Variants in PADI6 observed in about 807,000 individuals in gnomAD.
PADI6 encodes the protein inactive protein-arginine deiminase type-6.
A neutral mutation model predicts 78.2 loss-of-function variants in PADI6; 66 were observed. That is an observed-to-expected ratio of 0.84 (90% CI 0.69 to 1.04). The LOEUF is 1.04. Ranked by LOEUF, PADI6 falls within the 50% of genes least tolerant of loss-of-function variation. PADI6 has a pLI of 0.00. For missense variants in PADI6, 854 were observed against 866.1 expected, an observed-to-expected ratio of 0.99 and a Z score of 0.18; for synonymous variants, 397 against 346.9, an observed-to-expected ratio of 1.14 and a Z score of -1.60.
intron 14 of PADI6, among the ~76,000 whole-genome samples, chr1:17,398,201 C>A (rs1011709310): frequency 2.0e-5 from 3 of 152,180 alleles, no homozygotes; most frequent in Non-Finnish European, 4.4e-5. Context: ...TGCATGGGTA[C>A]CCTGTTTTGC....
chr1:17,389,415 G>A (rs1029933169), intron 8 of PADI6, among the ~76,000 whole-genome samples: 2 of 152,164 alleles, frequency 1.3e-5, no homozygotes, highest in South Asian at 4.1e-4. Flanking sequence ...GTTCCTTTCA[G>A]TCTTGTTATG....
chr1:17,398,648 T>TGGGGGGGGGGGGGG, intron 14 of PADI6, 38 bp from the exon 15 acceptor site: 2 of 193,328 alleles, frequency 1.0e-5, no homozygotes, highest in Middle Eastern at 1.6e-3. Context: ...CTCTCCTTGC[T>TGGGGGGGGGGGGGG]CCCCCGCCCC....
At chr1:17,383,530 C>A (rs142152420) in intron 6 of PADI6, among the ~76,000 whole-genome samples, 2 of 152,198 alleles carry the variant, frequency 1.3e-5, no homozygotes, top group East Asian at 1.9e-4. Flanking sequence ...TGGATCATAG[C>A]GAACTACCGG....
Position 17,388,570 on chromosome 1 carries a change from A to G in PADI6, c.858+11A>G. Reference sequence around the variant, plus strand: ...GAGTCTCAAGACCCGGTATGTCCCCATAATAGATGGGTCCTCAGACTAGGA... The same window carrying G: ...GAGTCTCAAGACCCGGTATGTCCCCGTAATAGATGGGTCCTCAGACTAGGA... On this transcript the variant is annotated intron_variant, in intron 7 of 15. Transcript: ENST00000619609. 1.3e-6 allele frequency: 2 copies of G among 1,598,180 alleles called. No homozygotes were observed. Among genetic ancestry groups the G allele is most frequent in the Non-Finnish European group, 1.7e-6 (2 of 1,167,344 alleles).
chr1:17,396,423 T>TG (rs768582409), intron 13 of PADI6, among the ~76,000 whole-genome samples: 1 of 152,054 alleles, frequency 6.6e-6, no homozygotes, highest in Admixed American at 6.6e-5. Flanking sequence ...AGAAAGGGGC[T>TG]GGGGGTATTA....
chr1:17,382,999 T>C (rs1022690436), intron 6 of PADI6, among the ~76,000 whole-genome samples: 2 of 152,120 alleles, frequency 1.3e-5, no homozygotes, highest in East Asian at 1.9e-4. Flanking sequence ...CCCAGACTGG[T>C]TTCAAACTCC....
chr1:17,373,240 C>A lies in PADI6; in HGVS notation c.294+7C>A. On this transcript the variant is annotated splice_region_variant and intron_variant, in intron 2 of 15. Transcript: ENST00000619609. ...TTCCGTGGATGCGGATAAGGTAAGC[C>A]TCAGGGGAAGAGGTGAGGGGCATCT... 1 of 1,613,080 alleles carries A rather than the reference C, an allele frequency of 6.2e-7. No homozygotes were observed. The highest frequency in any genetic ancestry group is 8.5e-7 in the Non-Finnish European group (1 of 1,179,220).
intron 6 of PADI6, among the ~76,000 whole-genome samples, chr1:17,384,646 G>GGA (rs1367156966): frequency 2.0e-5 from 3 of 151,910 alleles, no homozygotes; most frequent in Non-Finnish European, 4.4e-5. Context: ...GACTGAGGCG[G>GGA]GAGGATCATG....
chr1:17,380,186 A>AT (rs968894310), intron 4 of PADI6, among the ~76,000 whole-genome samples, 199 bp downstream of exon 4: 23 of 151,174 alleles, frequency 1.5e-4, no homozygotes, highest in Non-Finnish European at 2.8e-4. Context: ...TTTGTGGGGT[A>AT]TTTTTTTGTT....
At chr1:17,385,474 T>C (rs891517125) in intron 6 of PADI6, among the ~76,000 whole-genome samples, 2 of 151,628 alleles carry the variant, frequency 1.3e-5, no homozygotes, top group South Asian at 2.1e-4. Flanking sequence ...GGGACTGAGG[T>C]TGGGGACTCG....
intron 4 of PADI6, among the ~76,000 whole-genome samples, chr1:17,380,305 G>A (rs2075060382): frequency 6.6e-6 from 1 of 152,114 alleles, no homozygotes; most frequent in Non-Finnish European, 1.5e-5. Context: ...CACCTCCCAG[G>A]TTCAAGTAAT....
chr1:17,375,205 C>T (rs908216084), intron 2 of PADI6, among the ~76,000 whole-genome samples: 22 of 152,128 alleles, frequency 1.4e-4, no homozygotes, highest in South Asian at 4.1e-4. Flanking sequence ...GCCTGGCTCT[C>T]GACAAGGTTA....
intron 7 of PADI6, 23 bp downstream of exon 7, chr1:17,388,582 T>A: frequency 6.3e-7 from 1 of 1,583,108 alleles, no homozygotes; most frequent in Non-Finnish European, 8.7e-7. Flanking sequence ...AATAGATGGG[T>A]CCTCAGACTA....
At position 17,373,053 on chromosome 1, in the gene PADI6, C is replaced by A. The variant is rs1486271665; in HGVS notation, c.117-3C>A. ...GACGCGTGTCTCTTACCGGGCAAAC[C>A]AGGTGTGCCCCCCAGAAGTGCCAGT... On this transcript the variant is annotated splice_region_variant and splice_polypyrimidine_tract_variant and intron_variant, in intron 1 of 15. Transcript: ENST00000619609. The A allele has an allele frequency of 1.9e-6, 3 of 1,612,516 alleles. No homozygotes were observed. The Admixed American group carries it at 5.0e-5, about 27-fold the overall frequency.
At chr1:17,394,224 C>G (rs1012035864) in intron 10 of PADI6, 76 bp from the exon 11 acceptor site, 3 of 1,581,110 alleles carry the variant, frequency 1.9e-6, no homozygotes, top group African/African-American at 2.7e-5. Context: ...ACCTGAGAGC[C>G]TGGATTTAGG....
chr1:17,380,636 A>G (rs574556714), intron 4 of PADI6, among the ~76,000 whole-genome samples: 81 of 152,092 alleles, frequency 5.3e-4, no homozygotes, highest in African/African-American at 1.9e-3. Flanking sequence ...CTCCCGAAGT[A>G]CTGGGATCAG....
intron 5 of PADI6, 132 bp downstream of exon 5, chr1:17,381,296 G>A (rs374793481): frequency 1.4e-6 from 1 of 722,888 alleles, no homozygotes. Flanking sequence ...TGCCTGGGCT[G>A]ATCAAACCTT....
intron 6 of PADI6, among the ~76,000 whole-genome samples, chr1:17,386,359 G>A (rs1210109312): frequency 2.0e-5 from 3 of 152,214 alleles, no homozygotes; most frequent in South Asian, 2.1e-4. Flanking sequence ...CCACAGGAGA[G>A]CCAGCCAGTA....
chr1:17,382,151 G>A, intron 6 of PADI6, 59 bp downstream of exon 6: 1 of 1,589,936 alleles, frequency 6.3e-7, no homozygotes, highest in East Asian at 2.3e-5. Flanking sequence ...GGCAAGTTGT[G>A]CCCACACCTC....
Sources: gnomAD v4.1 joint callset for allele counts (sites outside exome capture counted in the v4.1 genomes callset) on GRCh38, gnomAD v4.1.1 for gene constraint, MANE v1.5 for transcripts, NCBI Gene and HGNC (gene_info 2026-07-23, HGNC 2026-07-21) for gene names.